The following UBTD1 variants were observed in gnomAD, a reference collection of about 807,000 sequenced individuals.
UBTD1 encodes ubiquitin domain containing 1.
Under a neutral mutation model 21.7 loss-of-function variants are expected in UBTD1, and 19 were observed. The observed-to-expected ratio is 0.87, with a 90% CI of 0.61 to 1.28. The LOEUF is 1.28. Among genes scored for constraint, UBTD1 ranks in the 50% most tolerant of loss-of-function variants. The probability of loss-of-function intolerance (pLI) is 0.00; values close to 1 mark genes in which losing one functional copy is unlikely to be tolerated. For synonymous variants in UBTD1, 116 were observed against 135.1 expected, an observed-to-expected ratio of 0.86 and a Z score of 0.98; for missense variants, 282 against 315.1, an observed-to-expected ratio of 0.89 and a Z score of 0.80.
At chr10:97,542,191 C>T (rs2040590224) in intron 1 of UBTD1, among the ~76,000 whole-genome samples, 1 of 152,160 alleles carries the variant, frequency 6.6e-6, no homozygotes, top group Non-Finnish European at 1.5e-5. Context: ...GGCCCACCAC[C>T]CAGGCCCTGC....
At chr10:97,503,162 T>C (rs1460432629) in intron 1 of UBTD1, among the ~76,000 whole-genome samples, 1 of 152,150 alleles carries the variant, frequency 6.6e-6, no homozygotes, top group Non-Finnish European at 1.5e-5. Context: ...GTAATCTTCT[T>C]ATCTTGGCTT....
chr10:97,531,432 G>T (rs557153869), intron 1 of UBTD1, among the ~76,000 whole-genome samples: 1 of 151,932 alleles, frequency 6.6e-6, no homozygotes, highest in Non-Finnish European at 1.5e-5. Flanking sequence ...TGTACTTTAT[G>T]TAGAGACGAG....
chr10:97,566,817 T>C (rs756922434), intron 1 of UBTD1, among the ~76,000 whole-genome samples: 113 of 152,292 alleles, frequency 7.4e-4, no homozygotes, highest in Admixed American at 1.0e-3. Context: ...ATCTCACTCC[T>C]GTGGCTCACT....
At chr10:97,514,767 T>C (rs559934905) in intron 1 of UBTD1, among the ~76,000 whole-genome samples, 3 of 152,330 alleles carry the variant, frequency 2.0e-5, no homozygotes, top group South Asian at 2.1e-4. Flanking sequence ...TTTTCAAAGC[T>C]ACTTGAACCC....
At chr10:97,543,561 A>G (rs1424267639) in intron 1 of UBTD1, among the ~76,000 whole-genome samples, 1 of 152,174 alleles carries the variant, frequency 6.6e-6, no homozygotes, top group East Asian at 1.9e-4. Context: ...AGGCAGACTG[A>G]TGAGTGGCAT....
chr10:97,528,843 G>C (rs1309225510), intron 1 of UBTD1, among the ~76,000 whole-genome samples: 2 of 143,666 alleles, frequency 1.4e-5, no homozygotes, highest in Non-Finnish European at 3.1e-5. Flanking sequence ...CAGTAGGGGC[G>C]GCCGGGCAGA....
intron 1 of UBTD1, among the ~76,000 whole-genome samples, chr10:97,502,725 C>T (rs552939020): frequency 1.3e-5 from 2 of 152,076 alleles, no homozygotes; most frequent in South Asian, 2.1e-4. Context: ...ACTTGGTAGA[C>T]AAAGCAGAGA....
At chr10:97,554,964 AT>A (rs2040657411) in intron 1 of UBTD1, among the ~76,000 whole-genome samples, 1 of 152,188 alleles carries the variant, frequency 6.6e-6, no homozygotes, top group African/African-American at 2.4e-5. Flanking sequence ...CCCTTGGTAG[AT>A]TAGGAGTGGT....
intron 1 of UBTD1, among the ~76,000 whole-genome samples, chr10:97,516,464 G>A (rs965243942): frequency 2.0e-5 from 3 of 152,202 alleles, no homozygotes; most frequent in African/African-American, 7.2e-5. Flanking sequence ...AGGGCTTTGG[G>A]CAGGGCAGAC....
chr10:97,551,875 T>C (rs1331753742), intron 1 of UBTD1, among the ~76,000 whole-genome samples: 2 of 152,214 alleles, frequency 1.3e-5, no homozygotes, highest in Non-Finnish European at 2.9e-5. Context: ...CAATGAAATA[T>C]AACCACTGTT....
At chr10:97,512,203 T>C (rs114201880) in intron 1 of UBTD1, among the ~76,000 whole-genome samples, 2,342 of 152,286 alleles carry the variant, frequency 0.015, 66 homozygotes, top group African/African-American at 0.053. Context: ...CCCTGGCCCC[T>C]GGCCCAGGCA....
At chr10:97,546,952 C>T (rs1316742358) in intron 1 of UBTD1, among the ~76,000 whole-genome samples, 1 of 152,130 alleles carries the variant, frequency 6.6e-6, no homozygotes, top group African/African-American at 2.4e-5. Context: ...TCTCGGGAAA[C>T]AGCTGTCGGG....
intron 1 of UBTD1, among the ~76,000 whole-genome samples, chr10:97,537,023 A>G (rs1174992309): frequency 2.6e-5 from 4 of 152,170 alleles, no homozygotes; most frequent in Admixed American, 2.0e-4. Context: ...TTCGGACAAC[A>G]AGGGGTGTGG....
intron 1 of UBTD1, among the ~76,000 whole-genome samples, chr10:97,500,766 C>T (rs1172724314): frequency 2.0e-5 from 3 of 152,126 alleles, no homozygotes; most frequent in Non-Finnish European, 4.4e-5. Context: ...TCTCTCATTA[C>T]ACTCTCTCCC....
intron 1 of UBTD1, among the ~76,000 whole-genome samples, chr10:97,551,898 T>C (rs1268876236): frequency 6.6e-6 from 1 of 152,206 alleles, no homozygotes; most frequent in Non-Finnish European, 1.5e-5. Context: ...CATTTTGATA[T>C]AAATTCTTCC....
intron 1 of UBTD1, among the ~76,000 whole-genome samples, chr10:97,549,244 C>G (rs2040625256): frequency 6.6e-6 from 1 of 152,204 alleles, no homozygotes; most frequent in South Asian, 2.1e-4. Context: ...TTTGTCCCTC[C>G]TGGACTCCCA....
At chr10:97,527,218 G>A (rs1279023031) in intron 1 of UBTD1, among the ~76,000 whole-genome samples, 3 of 150,008 alleles carry the variant, frequency 2.0e-5, no homozygotes, top group Non-Finnish European at 3.0e-5. Flanking sequence ...GGCTGCGGTG[G>A]CTTATGCCTA....
At chr10:97,547,746 G>A (rs1054582624) in intron 1 of UBTD1, among the ~76,000 whole-genome samples, 3 of 152,094 alleles carry the variant, frequency 2.0e-5, no homozygotes, top group African/African-American at 7.2e-5. Flanking sequence ...TGTGTTTTTA[G>A]TGGAGATGGG....
intron 1 of UBTD1, among the ~76,000 whole-genome samples, chr10:97,499,907 C>A (rs2135646393): frequency 6.6e-6 from 1 of 152,214 alleles, no homozygotes; most frequent in South Asian, 2.1e-4. Flanking sequence ...GGAGTGAGAT[C>A]GCTCGCTGGT....
Sources: gnomAD v4.1 joint callset for allele counts (sites outside exome capture counted in the v4.1 genomes callset) on GRCh38, gnomAD v4.1.1 for gene constraint, MANE v1.5 for transcripts, NCBI Gene and HGNC (gene_info 2026-07-23, HGNC 2026-07-21) for gene names.